The following DIAPH3 variants were observed in gnomAD, a reference collection of about 807,000 sequenced individuals.
The protein encoded by DIAPH3 is protein diaphanous homolog 3.
Under a neutral mutation model 144.3 loss-of-function variants are expected in DIAPH3, and 117 were observed. The ratio of observed to expected loss-of-function variants is 0.81; its 90% confidence interval spans 0.70 to 0.95. DIAPH3 has a LOEUF of 0.95. Among genes scored for constraint, DIAPH3 ranks in the 40% least tolerant of loss-of-function variants. The pLI is 0.00. For synonymous variants in DIAPH3, 519 were observed against 488.9 expected (o/e 1.06, Z -0.81); for missense variants, 1,421 against 1,412.7 (o/e 1.01, Z -0.09).
intron 18 of DIAPH3, among the ~76,000 whole-genome samples, chr13:59,920,626 T>C (rs1214876751): frequency 6.6e-6 from 1 of 151,590 alleles, no homozygotes; most frequent in East Asian, 1.9e-4. Context: ...CAGGGAGACA[T>C]ACATTGCAAT....
rs1419980935 is a variant in DIAPH3, at chr13:59,956,956, AT to A, written c.2074+12987del. On this transcript the variant is annotated intron_variant, in intron 17 of 27. Transcript: ENST00000400324. ...TTGCACGGGGCCTGTAGACCCTTTG[AT>A]TTGGCCAATTTCTCCCATTTGGAAT... Among the ~76,000 whole-genome samples the A allele has an allele frequency of 8.5e-5, 13 of 152,176 alleles. No individual in the cohort carries two copies. In the South Asian group the frequency reaches 2.7e-3, roughly 32 times the overall value.
chr13:60,050,814 A>C (rs200302076), intron 4 of DIAPH3, among the ~76,000 whole-genome samples: 141,281 of 151,912 alleles, frequency 0.93, 65,997 homozygotes, highest in African/African-American at 0.98. Flanking sequence ...CAACAGACAG[A>C]AACAACGTGA....
At chr13:59,879,682 T>A (rs984512062) in intron 20 of DIAPH3, among the ~76,000 whole-genome samples, 1 of 152,086 alleles carries the variant, frequency 6.6e-6, no homozygotes, top group Admixed American at 6.6e-5. Flanking sequence ...ATTTAGATGC[T>A]CAATGAAAAG....
chr13:60,055,132 C>T (rs1275731686), intron 4 of DIAPH3, among the ~76,000 whole-genome samples: 1 of 151,848 alleles, frequency 6.6e-6, no homozygotes, highest in East Asian at 1.9e-4. Context: ...AAATTACCAA[C>T]TATATTTTAC....
intron 22 of DIAPH3, among the ~76,000 whole-genome samples, chr13:59,851,233 T>C (rs551917263): frequency 4.6e-5 from 7 of 152,312 alleles, no homozygotes; most frequent in African/African-American, 1.4e-4. Flanking sequence ...TCTATTACCT[T>C]TCTGACCTTA....
At chr13:59,722,212 G>A (rs10507637) in intron 27 of DIAPH3, among the ~76,000 whole-genome samples, 6,502 of 152,228 alleles carry the variant, frequency 0.043, 232 homozygotes, top group South Asian at 0.11. Flanking sequence ...AACCTACAGA[G>A]GTCCTTAGGA....
At chr13:59,789,083 T>A (rs1259066856) in intron 25 of DIAPH3, among the ~76,000 whole-genome samples, 2 of 152,096 alleles carry the variant, frequency 1.3e-5, no homozygotes, top group African/African-American at 4.8e-5. Flanking sequence ...TTATGTAGGG[T>A]CTAGGGTGCT....
intron 25 of DIAPH3, among the ~76,000 whole-genome samples, chr13:59,781,950 T>C (rs554497299): frequency 1.3e-5 from 2 of 152,232 alleles, no homozygotes; most frequent in African/African-American, 4.8e-5. Flanking sequence ...AGACACCATA[T>C]ATGGAGCAGA....
intron 22 of DIAPH3, among the ~76,000 whole-genome samples, chr13:59,859,807 T>C (rs2043474833): frequency 6.6e-6 from 1 of 152,222 alleles, no homozygotes; most frequent in African/African-American, 2.4e-5. Flanking sequence ...TTCAGTTCAA[T>C]GCCCTTTTGC....
Position 60,162,803 on chromosome 13 carries a change from TCTCTCTCACA to T in DIAPH3, c.180+774_180+783del, listed in dbSNP as rs60342853. On this transcript the variant is annotated intron_variant, in intron 1 of 27. Coordinates refer to ENST00000400324, the MANE Select transcript of DIAPH3 (RefSeq NM_001042517.2). ...GCTGTACTCTCTCTCTCTCTCTCTC[TCTCTCTCACA>T]CACACACACACACACACACACACAC... Among the ~76,000 whole-genome samples, 206 of 138,530 alleles carry T rather than the reference TCTCTCTCACA, an allele frequency of 1.5e-3. 2 individuals carry two copies. In the East Asian group the frequency reaches 0.041, roughly 27 times the overall value. The allele number at this position is 138,530 out of a possible 152,430, so 90.9% of individuals were successfully genotyped here. A position where few individuals can be genotyped will look rare whatever the true frequency, so the allele number is the denominator to read the frequency against.
At chr13:59,836,547 G>A (rs1188830552) in intron 23 of DIAPH3, among the ~76,000 whole-genome samples, 1 of 151,616 alleles carries the variant, frequency 6.6e-6, no homozygotes, top group Non-Finnish European at 1.5e-5. Context: ...TTAATATTAA[G>A]CAGTATATGT....
intron 4 of DIAPH3, among the ~76,000 whole-genome samples, chr13:60,091,708 A>G (rs2057939638): frequency 6.6e-6 from 1 of 152,226 alleles, no homozygotes; most frequent in Non-Finnish European, 1.5e-5. Flanking sequence ...TATAATGATT[A>G]CAATAACAAG....
At position 59,955,125 on chromosome 13, in the gene DIAPH3, T is replaced by A. The variant is rs1314976955; in HGVS notation, c.2074+14819A>T. 3.3e-5 allele frequency among the ~76,000 whole-genome samples: 5 copies of A among 151,660 alleles called. No individual in the cohort carries two copies. The East Asian group carries it at 9.7e-4, about 29-fold the overall frequency. On this transcript the variant is annotated intron_variant, in intron 17 of 27. Transcript: ENST00000400324. ...ATATATACACACACACTTTTATATATATTTGTATTTGTATTTGTACATATG... is the reference window on the plus strand; with the variant it reads ...ATATATACACACACACTTTTATATAAATTTGTATTTGTATTTGTACATATG...
chr13:59,932,452 A>G (rs2048065760), intron 17 of DIAPH3, among the ~76,000 whole-genome samples: 1 of 152,266 alleles, frequency 6.6e-6, no homozygotes, highest in East Asian at 1.9e-4. Flanking sequence ...ATTTTAAGCA[A>G]TAAATCTGAT....
chr13:59,711,491 A>ACAC (rs1243607784), intron 27 of DIAPH3, among the ~76,000 whole-genome samples: 2 of 152,002 alleles, frequency 1.3e-5, no homozygotes, highest in Non-Finnish European at 2.9e-5. Flanking sequence ...CACCATTACC[A>ACAC]CACCACCACC....
intron 2 of DIAPH3, among the ~76,000 whole-genome samples, chr13:60,120,497 A>G (rs2058818702): frequency 6.6e-6 from 1 of 152,128 alleles, no homozygotes; most frequent in African/African-American, 2.4e-5. Context: ...AAAGACGAAA[A>G]CTTACTGTTC....
At chr13:60,053,074 C>G (rs1032244489) in intron 4 of DIAPH3, among the ~76,000 whole-genome samples, 1 of 148,182 alleles carries the variant, frequency 6.7e-6, no homozygotes, top group African/African-American at 2.5e-5. Context: ...ACACAATTAA[C>G]TACCTTTTAT....
intron 27 of DIAPH3, among the ~76,000 whole-genome samples, chr13:59,678,741 C>T (rs1453684648): frequency 6.6e-6 from 1 of 152,172 alleles, no homozygotes; most frequent in Non-Finnish European, 1.5e-5. Context: ...CAGGACCTCA[C>T]ATCACATCTC....
chr13:60,010,671 TATA>T lies in DIAPH3; in HGVS notation c.772-5_772-3del. The T allele has an allele frequency of 1.2e-6, 2 of 1,613,248 alleles. No homozygotes were observed. Among genetic ancestry groups the T allele is most frequent in the South Asian group, 1.1e-5 (1 of 90,880 alleles). ...ACTCATAATTCTTTCCAAGCCATACTATAATATTTTGAAAATAAGAGGTCAAAT... is the reference window on the plus strand; with the variant it reads ...ACTCATAATTCTTTCCAAGCCATACTATATTTTGAAAATAAGAGGTCAAAT... On this transcript the variant is annotated splice_region_variant and splice_polypyrimidine_tract_variant and intron_variant, in intron 7 of 27. Transcript: ENST00000400324.
Sources: allele counts gnomAD v4.1 joint callset (sites outside exome capture counted in the v4.1 genomes callset), GRCh38; gene constraint gnomAD v4.1.1; transcripts MANE v1.5; gene names NCBI Gene and HGNC (gene_info 2026-07-23, HGNC 2026-07-21).